CYTH1: variants seen among roughly 807,000 people sequenced by gnomAD.
CYTH1 encodes cytohesin-1.
In CYTH1, 18 loss-of-function variants were observed where a neutral mutation model predicts 61.8. The observed-to-expected ratio is 0.29, with a 90% CI of 0.20 to 0.43. The LOEUF is 0.43. Among genes scored for constraint, CYTH1 ranks in the 20% least tolerant of loss-of-function variants. The pLI, the probability that CYTH1 is intolerant of heterozygous loss-of-function variation, is 1.00. For synonymous variants in CYTH1, 174 were observed against 184.3 expected, an observed-to-expected ratio of 0.94 and a Z score of 0.45; for missense variants, 336 against 510.5, an observed-to-expected ratio of 0.66 and a Z score of 3.29.
chr17:78,749,680 C>G (rs1352237598), intron 1 of CYTH1, among the ~76,000 whole-genome samples: 1 of 151,764 alleles, frequency 6.6e-6, no homozygotes, highest in Non-Finnish European at 1.5e-5. Context: ...AAAAACCTAA[C>G]TAAGCAGAAA....
chr17:78,725,024 C>G (rs2093258132), intron 1 of CYTH1, among the ~76,000 whole-genome samples: 1 of 151,950 alleles, frequency 6.6e-6, no homozygotes, highest in African/African-American at 2.4e-5. Context: ...ATTGAGAGTC[C>G]CAGTGCAACA....
chr17:78,693,827 A>G (rs1219875978), intron 10 of CYTH1, among the ~76,000 whole-genome samples: 1 of 152,162 alleles, frequency 6.6e-6, no homozygotes, highest in Non-Finnish European at 1.5e-5. Flanking sequence ...CTCAAAACTT[A>G]TCCCTAAGGC....
At chr17:78,738,426 C>A (rs2093329619) in intron 1 of CYTH1, among the ~76,000 whole-genome samples, 1 of 152,186 alleles carries the variant, frequency 6.6e-6, no homozygotes, top group South Asian at 2.1e-4. Flanking sequence ...AATGCAAACA[C>A]CTGCAGCAGC....
At chr17:78,693,696 G>A (rs35112107) in intron 10 of CYTH1, among the ~76,000 whole-genome samples, 10,523 of 151,308 alleles carry the variant, frequency 0.07, 747 homozygotes, top group African/African-American at 0.17. Context: ...CAGACATGAA[G>A]GAAGGAAAAA....
intron 1 of CYTH1, among the ~76,000 whole-genome samples, chr17:78,743,904 G>A (rs1266084642): frequency 6.6e-6 from 1 of 152,208 alleles, no homozygotes. Context: ...AATATGATAA[G>A]GCAGTAATGT....
chr17:78,777,045 A>C (rs1321548736), intron 1 of CYTH1, among the ~76,000 whole-genome samples: 1 of 152,022 alleles, frequency 6.6e-6, no homozygotes, highest in Non-Finnish European at 1.5e-5. Context: ...GAATTGCTTG[A>C]ATCTGGGAGG....
chr17:78,721,846 C>T (rs2093231688), intron 1 of CYTH1, among the ~76,000 whole-genome samples: 1 of 152,102 alleles, frequency 6.6e-6, no homozygotes, highest in African/African-American at 2.4e-5. Context: ...GAGTTCGAGA[C>T]CAGCCTGACC....
At chr17:78,702,992 C>T (rs1567844476) in intron 3 of CYTH1, among the ~76,000 whole-genome samples, 1 of 152,088 alleles carries the variant, frequency 6.6e-6, no homozygotes, top group Non-Finnish European at 1.5e-5. Context: ...CACTGTGTTG[C>T]CCAGGCTAGT....
chr17:78,749,881 G>T (rs952218562), intron 1 of CYTH1, among the ~76,000 whole-genome samples: 6 of 151,992 alleles, frequency 3.9e-5, no homozygotes, highest in Admixed American at 2.6e-4. Context: ...TTCCTAACAG[G>T]TTTAGAAGCA....
rs758604375 is a variant in CYTH1 at position 78,676,103 on chromosome 17, C to T, written c.1185G>A (p.Thr395=). Residue 395 remains threonine, a synonymous_variant, in exon 14 of 14, where the codon ACG becomes ACA. Transcript: ENST00000446868. ...CTTGGCTGCACGCTCAGTGTCGCTT[C>T]GTGGAGGAGACCTTCTTTTTCCGTG... The part of the protein sequence containing the change: ...LAARKKKVSS[T]KRH The T allele has an allele frequency of 3.1e-6, 5 of 1,609,412 alleles. No individual in the cohort carries two copies. The highest frequency in any genetic ancestry group is 4.2e-6 in the Non-Finnish European group (5 of 1,178,208).
intron 1 of CYTH1, among the ~76,000 whole-genome samples, chr17:78,756,029 C>T (rs12951541): frequency 0.53 from 79,213 of 150,792 alleles, 20,951 homozygotes; most frequent in East Asian, 0.61. Flanking sequence ...TACAAAACTG[C>T]TGAATATATC....
Position 78,700,589 on chromosome 17 carries a change from A to G in CYTH1, c.438-146T>C. 1.6e-6 allele frequency: 1 copy of G among 622,588 alleles called. No individual in the cohort carries two copies. The highest frequency in any genetic ancestry group is 2.1e-5 in the South Asian group (1 of 46,746). The allele number at this position is 622,588 out of a possible 1,614,324, so 38.6% of individuals were successfully genotyped here. ...ACCCAGGCTGGAGTGCAGTGGCGTG[A>G]TCTTGGCTCACTGCAACCTCTGCCT... On this transcript the variant is annotated intron_variant, in intron 6 of 13. Transcript: ENST00000446868. This position sits in a 1 kb window ranked among gnomAD's most constrained non-coding sequence, Gnocchi z 5.1.
At position 78,717,635 on chromosome 17, in the gene CYTH1, C is replaced by T. The variant is rs1249654527; in HGVS notation, c.23-7903G>A. Reference sequence around the variant, plus strand: ...AGCCAGAGGACGATACATGAGCACACGGCGGGCTCTAGTCTAAAATCCTGC... The same window carrying T: ...AGCCAGAGGACGATACATGAGCACATGGCGGGCTCTAGTCTAAAATCCTGC... On this transcript the variant is annotated intron_variant, in intron 1 of 13. Coordinates refer to ENST00000446868, the MANE Select transcript of CYTH1 (RefSeq NM_004762.6). This position sits in a 1 kb window ranked among gnomAD's most constrained non-coding sequence, Gnocchi z 4.4. Among the ~76,000 whole-genome samples, 5 of 152,152 alleles carry T rather than the reference C, an allele frequency of 3.3e-5. No individual in the cohort carries two copies. The highest frequency in any genetic ancestry group is 1.9e-4 in the East Asian group (1 of 5,192).
At chr17:78,688,864 T>G (rs1165102030) in intron 11 of CYTH1, among the ~76,000 whole-genome samples, 1 of 152,202 alleles carries the variant, frequency 6.6e-6, no homozygotes. Context: ...GAAATGAACC[T>G]AGAATTTGAG....
At chr17:78,698,703 A>T (rs2092973401) in intron 8 of CYTH1, 117 bp downstream of exon 8, 2 of 1,269,772 alleles carry the variant, frequency 1.6e-6, no homozygotes, top group Admixed American at 5.3e-5. Context: ...TGGTTAAACA[A>T]ATTAAAAGAG....
chr17:78,691,684 G>A (rs2092888047), intron 11 of CYTH1: 1 of 152,172 alleles, frequency 6.6e-6, no homozygotes, highest in Non-Finnish European at 1.5e-5. Flanking sequence ...TGGCAGAAAT[G>A]AAAAAGCACC....
intron 9 of CYTH1, among the ~76,000 whole-genome samples, chr17:78,697,452 A>G (rs2092951858): frequency 6.6e-6 from 1 of 152,060 alleles, no homozygotes; most frequent in Non-Finnish European, 1.5e-5. Flanking sequence ...AGTCTTTCCT[A>G]TTGATTACCC....
intron 1 of CYTH1, among the ~76,000 whole-genome samples, chr17:78,756,832 A>T (rs2093403137): frequency 6.6e-6 from 1 of 151,950 alleles, no homozygotes; most frequent in Non-Finnish European, 1.5e-5. Flanking sequence ...ATTTAAAAAA[A>T]AAAAAGCCTT....
intron 1 of CYTH1, among the ~76,000 whole-genome samples, chr17:78,733,247 T>C (rs1351608167): frequency 6.6e-6 from 1 of 152,222 alleles, no homozygotes; most frequent in African/African-American, 2.4e-5. Context: ...CATGCTATCT[T>C]ACAGCTTAAA....
Sources: gnomAD v4.1 joint callset for allele counts (sites outside exome capture counted in the v4.1 genomes callset) on GRCh38, gnomAD v4.1.1 for gene constraint, Gnocchi (gnomAD v3.1) non-coding constraint, MANE v1.5 for transcripts, NCBI Gene and HGNC (gene_info 2026-07-23, HGNC 2026-07-21) for gene names.